Variants in IFT80 observed in about 807,000 individuals in gnomAD.
IFT80 encodes the protein intraflagellar transport protein 80 homolog.
In IFT80, 79 loss-of-function variants were observed where a neutral mutation model predicts 107.9. The ratio of observed to expected loss-of-function variants is 0.73; its 90% CI spans 0.61 to 0.88. The LOEUF (loss-of-function observed/expected upper bound fraction) is 0.88. Among genes scored for constraint, IFT80 ranks in the 40% least tolerant of loss-of-function variants. IFT80 has a pLI of 0.00. For synonymous variants in IFT80, 299 were observed against 300.9 expected (o/e 0.99, Z 0.07); for missense variants, 797 against 914.2 (o/e 0.87, Z 1.65).
intron 16 of IFT80, 74 bp downstream of exon 16, chr3:160,279,119 A>C (rs1714491850): frequency 8.2e-7 from 1 of 1,225,140 alleles, no homozygotes; most frequent in South Asian, 1.3e-5. Flanking sequence ...TAAGCCTATT[A>C]TCATTACTCA....
intron 1 of IFT80, among the ~76,000 whole-genome samples, chr3:160,387,720 C>T (rs1017422684): frequency 2.6e-5 from 4 of 151,988 alleles, no homozygotes; most frequent in African/African-American, 7.3e-5. Context: ...AGTCTGGAGT[C>T]AAGTGGGAAG....
chr3:160,264,729 C>T (rs943942706), intron 19 of IFT80, among the ~76,000 whole-genome samples: 5 of 151,988 alleles, frequency 3.3e-5, no homozygotes, highest in African/African-American at 4.8e-5. Context: ...TGTGAGCCAC[C>T]GCACCTTGCG....
chr3:160,282,480 A>C lies in IFT80; in HGVS notation c.1514T>G (p.Leu505Arg). The C allele has an allele frequency of 6.3e-7, 1 of 1,579,626 alleles. No individual in the cohort carries two copies. The highest frequency in any genetic ancestry group is 8.7e-7 in the Non-Finnish European group (1 of 1,155,308). ...AAAATGTATTAAAATTATTTTACCAAGCTTGATAATTTGTTCTTCCTTCCC... is the reference window on the plus strand; with the variant it reads ...AAAATGTATTAAAATTATTTTACCACGCTTGATAATTTGTTCTTCCTTCCC... ...RFGKEEQIIKLGTMVHTLAWN... is the reference protein window; with the variant it reads ...RFGKEEQIIKRGTMVHTLAWN... The change falls in exon 14 of 20, where the codon CTT becomes CGT. Residue 505 changes from leucine (L) to arginine (R), a missense_variant and splice_region_variant. Physicochemically the swap from Leu to Arg is moderately radical, Grantham distance 102. Coordinates refer to ENST00000326448, the MANE Select transcript of IFT80 (RefSeq NM_020800.3).
intron 12 of IFT80, among the ~76,000 whole-genome samples, chr3:160,296,569 TAA>T (rs750618761): frequency 2.9e-4 from 39 of 136,734 alleles, no homozygotes; most frequent in Admixed American, 3.7e-4. Flanking sequence ...TCATCCTCAC[TAA>T]AAAAAAAAAA....
intron 6 of IFT80, among the ~76,000 whole-genome samples, chr3:160,361,371 T>C (rs1196044230): frequency 6.6e-6 from 1 of 152,136 alleles, no homozygotes; most frequent in African/African-American, 2.4e-5. Flanking sequence ...CCCAGATTCA[T>C]AAAGCAAGTC....
At chr3:160,364,316 C>A (rs1042496573) in intron 6 of IFT80, among the ~76,000 whole-genome samples, 1 of 152,118 alleles carries the variant, frequency 6.6e-6, no homozygotes, top group African/African-American at 2.4e-5. Flanking sequence ...CCATCTCACA[C>A]CAGTTAGAAT....
In IFT80 at chr3:160,300,976, T is replaced by C. The variant is rs776006563; in HGVS notation, c.1222A>G (p.Lys408Glu). 2.6e-5 allele frequency: 42 copies of C among 1,609,510 alleles called. No homozygotes were observed. The South Asian group carries it at 4.0e-4, about 15-fold the overall frequency. ...ATATCTGTTCTCATTCCAGGAAATTTTGGAGATGAAATAAAGCGCCCTTCA... is the reference window on the plus strand; with the variant it reads ...ATATCTGTTCTCATTCCAGGAAATTCTGGAGATGAAATAAAGCGCCCTTCA... ...SYEGRFISSP[K>E]FPGMRTDILN... Residue 408 changes from lysine to glutamate, a missense_variant, in exon 12 of 20, where the codon AAA (lysine) becomes GAA (glutamate). Lys to Glu is a moderately conservative substitution (Grantham distance 56). Coordinates refer to ENST00000326448, the MANE Select transcript of IFT80 (RefSeq NM_020800.3).
intron 1 of IFT80, among the ~76,000 whole-genome samples, chr3:160,392,298 T>G (rs1215988748): frequency 6.6e-6 from 1 of 152,196 alleles, no homozygotes; most frequent in Admixed American, 6.5e-5. Context: ...ACTCATCCAG[T>G]TTTATAGCTT....
rs548011528 is a variant in IFT80 at position 160,290,660 on chromosome 3, G to A, written c.1316-4792C>T. Among the ~76,000 whole-genome samples the A allele has an allele frequency of 1.6e-4, 25 of 152,026 alleles. No individual in the cohort carries two copies. In the South Asian group the frequency reaches 3.5e-3, roughly 21 times the overall value. ...CAGTGGTGCAATCTCGGCTCACTGC[G>A]AACTCTGCCTCCTGGGTTCAAGCAA... On this transcript the variant is annotated intron_variant, in intron 12 of 19. Transcript: ENST00000326448.
chr3:160,315,086 AGGG>A (rs1447148720), intron 9 of IFT80, among the ~76,000 whole-genome samples: 5 of 97,346 alleles, frequency 5.1e-5, no homozygotes, highest in African/African-American at 1.9e-4. Context: ...GGAGGGAGGG[AGGG>A]AAAAAGAGAG....
intron 10 of IFT80, among the ~76,000 whole-genome samples, chr3:160,306,854 G>C (rs906502324): frequency 7.2e-5 from 11 of 152,144 alleles, no homozygotes; most frequent in African/African-American, 2.4e-4. Context: ...TCATTCAAAA[G>C]TATTTATTAA....
At chr3:160,388,317 T>C (rs574197799) in intron 1 of IFT80, among the ~76,000 whole-genome samples, 8 of 151,000 alleles carry the variant, frequency 5.3e-5, no homozygotes, top group African/African-American at 1.7e-4. Context: ...CTAAGAAACA[T>C]TGTCCAGAAC....
intron 3 of IFT80, among the ~76,000 whole-genome samples, chr3:160,378,350 G>A (rs1278096929): frequency 6.6e-6 from 1 of 151,700 alleles, no homozygotes; most frequent in Non-Finnish European, 1.5e-5. Context: ...ATGCCCCTCT[G>A]ATTTATCATA....
Position 160,285,824 on chromosome 3 carries a change from C to T in IFT80, c.1360G>A (p.Gly454Arg). Residue 454 changes from glycine (G) to arginine (R), a missense_variant, in exon 13 of 20, where the codon GGA becomes AGA. Transcript: ENST00000326448. The part of the protein sequence containing the change: ...EASTGKPLGD[G>R]KFLSHKNEIL... Reference sequence around the variant, plus strand: ...ATTACCTTATGAGAAAGAAACTTTCCATCACCTAACGGCTTTCCGGTTGAT... The same window carrying T: ...ATTACCTTATGAGAAAGAAACTTTCTATCACCTAACGGCTTTCCGGTTGAT... 6.2e-7 allele frequency: 1 copy of T among 1,608,264 alleles called. No homozygotes were observed. The highest frequency in any genetic ancestry group is 1.1e-5 in the South Asian group (1 of 90,594).
At position 160,358,999 on chromosome 3, in the gene IFT80, A is replaced by G. The variant is rs550140207; in HGVS notation, c.550-1421T>C. On this transcript the variant is annotated intron_variant, in intron 6 of 19. Transcript: ENST00000326448. ...TTCCTCACTATAAGACCAAGTTCGA[A>G]GTGTTGAGAAGGCCTTAAAAGACAT... 1.2e-4 allele frequency among the ~76,000 whole-genome samples: 18 copies of G among 152,300 alleles called. No homozygotes were observed. The South Asian group carries it at 3.5e-3, about 30-fold the overall frequency.
chr3:160,317,868 C>T (rs1469285451), intron 9 of IFT80, among the ~76,000 whole-genome samples: 1 of 151,928 alleles, frequency 6.6e-6, no homozygotes, highest in Non-Finnish European at 1.5e-5. Context: ...GATACATCAG[C>T]CATTGCAATA....
chr3:160,327,022 A>G (rs779992302), intron 8 of IFT80, among the ~76,000 whole-genome samples: 4 of 152,152 alleles, frequency 2.6e-5, no homozygotes, highest in Non-Finnish European at 4.4e-5. Context: ...GCATTCCTAT[A>G]CACCAACAAC....
chr3:160,336,922 T>C (rs1030517140), intron 8 of IFT80, among the ~76,000 whole-genome samples: 1 of 152,170 alleles, frequency 6.6e-6, no homozygotes, highest in Admixed American at 6.6e-5. Flanking sequence ...CAATTTTCTA[T>C]TTGTTCTCCA....
At chr3:160,330,609 C>T (rs1188102543) in intron 8 of IFT80, among the ~76,000 whole-genome samples, 2 of 152,074 alleles carry the variant, frequency 1.3e-5, no homozygotes, top group Admixed American at 1.3e-4. Flanking sequence ...TTCCTGGGCC[C>T]GACCCCAGAG....
Sources: allele counts gnomAD v4.1 joint callset (sites outside exome capture counted in the v4.1 genomes callset), GRCh38; gene constraint gnomAD v4.1.1; transcripts MANE v1.5; gene names NCBI Gene and HGNC (gene_info 2026-07-23, HGNC 2026-07-21).